Variants in GAP43 observed in about 807,000 individuals in gnomAD.
GAP43 encodes the protein neuromodulin.
GAP43 carries 6 observed loss-of-function variants against 18.6 expected under a neutral mutation model. The ratio of observed to expected loss-of-function variants is 0.32; its 90% CI spans 0.18 to 0.64. GAP43 has a LOEUF of 0.64. Ranked by LOEUF, GAP43 falls within the 30% of genes least tolerant of loss-of-function variation. The probability of loss-of-function intolerance (pLI) is 0.78; values close to 1 mark genes in which losing one functional copy is unlikely to be tolerated. For missense variants in GAP43, 292 were observed against 295.5 expected (o/e 0.99, Z 0.09); for synonymous variants, 115 against 111.4 (o/e 1.03, Z -0.20).
chr3:115,706,097 G>A (rs1041440541), intron 2 of GAP43, among the ~76,000 whole-genome samples: 11 of 152,094 alleles, frequency 7.2e-5, no homozygotes, highest in African/African-American at 2.7e-4. Flanking sequence ...CCCCATCAGC[G>A]CAGTCTTCTC....
At chr3:115,649,768 G>A (rs147690600) in intron 1 of GAP43, among the ~76,000 whole-genome samples, 2 of 146,954 alleles carry the variant, frequency 1.4e-5, no homozygotes, top group African/African-American at 5.0e-5. Flanking sequence ...TTGAGGCCAG[G>A]AGTTCAAGAC....
In GAP43 at chr3:115,632,058, A is replaced by G. The variant is rs961680588; in HGVS notation, c.30+8339A>G. Among the ~76,000 whole-genome samples, 16 of 152,324 alleles carry G rather than the reference A, an allele frequency of 1.1e-4. No individual in the cohort carries two copies. The East Asian group carries it at 2.9e-3, about 28-fold the overall frequency. On this transcript the variant is annotated intron_variant, in intron 1 of 2. Coordinates refer to ENST00000305124, the MANE Select transcript of GAP43 (RefSeq NM_002045.4). ...AAGGATCACTTCAAATGCATTAGAA[A>G]TACCCACTGTTTTTCTTTTTATCTT...
At chr3:115,694,963 C>A (rs283383) in intron 2 of GAP43, among the ~76,000 whole-genome samples, 151,203 of 152,332 alleles carry the variant, frequency 0.99, 75,059 homozygotes, top group East Asian at 1. Context: ...ACAAATGCGA[C>A]TTTTTATTGT....
In GAP43 at chr3:115,623,550, G is replaced by A; in HGVS notation, c.-140G>A. 9.9e-7 allele frequency: 1 copy of A among 1,006,498 alleles called. No individual in the cohort carries two copies. The highest frequency in any genetic ancestry group is 1.5e-6 in the Non-Finnish European group (1 of 658,574). The allele number at this position is 1,006,498 out of a possible 1,614,324, so 62.3% of individuals were successfully genotyped here. ...TGCCCTGGTGTGTGTGAGGGAGAGA[G>A]AGGGAGGGAGGGAGAGAGAGCGCGC... is the stretch of plus-strand genomic sequence containing the variant. On this transcript the variant is annotated 5_prime_UTR_variant, in exon 1 of 3. Transcript: ENST00000305124.
chr3:115,647,566 G>C (rs2107473428), intron 1 of GAP43, among the ~76,000 whole-genome samples: 1 of 152,010 alleles, frequency 6.6e-6, no homozygotes, highest in South Asian at 2.1e-4. Flanking sequence ...AGAGTGCCCA[G>C]TATGAAGGGA....
At chr3:115,663,731 CCTAGTCTTTTAGACAGTGAA>C in intron 1 of GAP43, 1 of 1,546,186 alleles carries the variant, frequency 6.5e-7, no homozygotes, top group Non-Finnish European at 8.7e-7. Flanking sequence ...AGCTCTACAG[CCTAGTCTTTTAGACAGTGAA>C]CTAGGCCAGC....
At chr3:115,708,234 G>T (rs541029041) in intron 2 of GAP43, among the ~76,000 whole-genome samples, 1 of 152,144 alleles carries the variant, frequency 6.6e-6, no homozygotes, top group Admixed American at 6.5e-5. Context: ...ATAATGCAAG[G>T]CATATAACTT....
chr3:115,653,734 T>G (rs1336299480), intron 1 of GAP43, among the ~76,000 whole-genome samples: 1 of 152,228 alleles, frequency 6.6e-6, no homozygotes, highest in East Asian at 1.9e-4. Context: ...ATCTTGCCTC[T>G]GGGCCTTATC....
At chr3:115,705,175 A>G (rs1709344830) in intron 2 of GAP43, among the ~76,000 whole-genome samples, 2 of 152,200 alleles carry the variant, frequency 1.3e-5, no homozygotes, top group South Asian at 4.1e-4. Context: ...TCATAAATGC[A>G]GTGCTTTTAT....
chr3:115,630,994 G>A (rs1411266836), intron 1 of GAP43, among the ~76,000 whole-genome samples: 1 of 152,130 alleles, frequency 6.6e-6, no homozygotes, highest in Non-Finnish European at 1.5e-5. Flanking sequence ...TGGGACAGAC[G>A]ACCATTTCTG....
At chr3:115,681,600 T>C (rs768037576) in intron 2 of GAP43, among the ~76,000 whole-genome samples, 67 of 152,224 alleles carry the variant, frequency 4.4e-4, no homozygotes, top group Non-Finnish European at 8.4e-4. Flanking sequence ...TTATTGCTTC[T>C]CTGGACCTCA....
intron 2 of GAP43, among the ~76,000 whole-genome samples, chr3:115,712,609 C>T (rs1709456285): frequency 1.3e-5 from 2 of 152,144 alleles, no homozygotes; most frequent in African/African-American, 4.8e-5. Context: ...CCTTCAAACT[C>T]CAAACAACCC....
Position 115,676,313 on chromosome 3 carries a change from G to C in GAP43, c.331G>C (p.Glu111Gln), listed in dbSNP as rs267599554. 4 of 1,614,030 alleles carry C rather than the reference G, an allele frequency of 2.5e-6. No homozygotes were observed. In the Admixed American group the frequency reaches 6.7e-5, roughly 27 times the overall value. The change falls in exon 2 of 3, where the codon GAG becomes CAG. Residue 111 changes from glutamate (E) to glutamine (Q), a missense_variant. Coordinates refer to ENST00000305124, the MANE Select transcript of GAP43 (RefSeq NM_002045.4). ...CAAAGCAGGAGAAACTCCTTCCGAGGAGAAGAAGGGGGAGGGTGATGCTGC... is the reference window on the plus strand; with the variant it reads ...CAAAGCAGGAGAAACTCCTTCCGAGCAGAAGAAGGGGGAGGGTGATGCTGC... ...PGKAGETPSE[E>Q]KKGEGDAATE...
At chr3:115,683,147 G>GTGCGCGCACACACACA (rs1708983101) in intron 2 of GAP43, among the ~76,000 whole-genome samples, 2 of 127,396 alleles carry the variant, frequency 1.6e-5, no homozygotes, top group Non-Finnish European at 3.3e-5. Context: ...GCGCGCGCGC[G>GTGCGCGCACACACACA]CACACACACA....
At chr3:115,669,688 C>A (rs1175804766) in intron 1 of GAP43, among the ~76,000 whole-genome samples, 1 of 151,958 alleles carries the variant, frequency 6.6e-6, no homozygotes, top group Non-Finnish European at 1.5e-5. Flanking sequence ...TTGAAGATAC[C>A]ACCTCATATT....
intron 2 of GAP43, among the ~76,000 whole-genome samples, chr3:115,687,226 A>T (rs1709046525): frequency 6.6e-6 from 1 of 151,956 alleles, no homozygotes. Flanking sequence ...TATTGTCTAC[A>T]TGTGGACAGC....
intron 2 of GAP43, among the ~76,000 whole-genome samples, chr3:115,678,546 G>T (rs1004073187): frequency 3.3e-5 from 5 of 151,924 alleles, no homozygotes. Context: ...GTCAAATATT[G>T]AATATAAATT....
At chr3:115,666,184 G>C (rs150082616) in intron 1 of GAP43, among the ~76,000 whole-genome samples, 2 of 152,256 alleles carry the variant, frequency 1.3e-5, no homozygotes, top group African/African-American at 4.8e-5. Flanking sequence ...GTGTGTGTCA[G>C]GTGATAGTAG....
chr3:115,692,061 CAT>C (rs1709122337), intron 2 of GAP43, among the ~76,000 whole-genome samples: 1 of 152,152 alleles, frequency 6.6e-6, no homozygotes, highest in African/African-American at 2.4e-5. Flanking sequence ...TTATTTGCAA[CAT>C]GTTATACTGT....
Sources: allele counts gnomAD v4.1 joint callset (sites outside exome capture counted in the v4.1 genomes callset), GRCh38; gene constraint gnomAD v4.1.1; transcripts MANE v1.5; gene names NCBI Gene and HGNC (gene_info 2026-07-23, HGNC 2026-07-21).